ARL6: variants seen among roughly 807,000 people sequenced by gnomAD.
ARL6 encodes ARF like GTPase 6.
A neutral mutation model predicts 27.1 loss-of-function variants in ARL6; 18 were observed. The observed-to-expected ratio is 0.66, with a 90% CI of 0.46 to 0.98. The LOEUF is 0.98. ARL6 is among the 50% of genes least tolerant of loss of function. The pLI is 0.00. For synonymous variants in ARL6, 65 were observed against 72.3 expected (o/e 0.90, Z 0.51); for missense variants, 187 against 214.9 (o/e 0.87, Z 0.81).
At chr3:97,769,260 T>A (rs2087223352) in intron 2 of ARL6, among the ~76,000 whole-genome samples, 1 of 152,070 alleles carries the variant, frequency 6.6e-6, no homozygotes, top group Admixed American at 6.6e-5. Flanking sequence ...CATTTTAGAA[T>A]AGGGAGAGAG....
At chr3:97,789,563 TG>T (rs1344006536) in intron 6 of ARL6, among the ~76,000 whole-genome samples, 1 of 152,138 alleles carries the variant, frequency 6.6e-6, no homozygotes, top group African/African-American at 2.4e-5. Context: ...AGTAATATCC[TG>T]ATGCTTATAA....
chr3:97,779,738 C>T (rs943461446), intron 2 of ARL6, among the ~76,000 whole-genome samples: 4 of 151,780 alleles, frequency 2.6e-5, no homozygotes, highest in African/African-American at 7.3e-5. Flanking sequence ...TGGTGGCGGG[C>T]GCCTGTAGTC....
At position 97,768,045 on chromosome 3, in the gene ARL6, G is replaced by T. The variant is rs2036466402; in HGVS notation, c.-27-36G>T. The T allele has an allele frequency of 5.7e-6, 9 of 1,581,270 alleles. No homozygotes were observed. In the South Asian group the frequency reaches 7.8e-5, roughly 14 times the overall value. ...ACCAATATTTTCCATAACTTAAGGT[G>T]CCTTTGGGTAATATTTTATTTTTTC... On this transcript the variant is annotated intron_variant, in intron 1 of 7. Coordinates refer to ENST00000463745, the MANE Select transcript of ARL6 (RefSeq NM_001278293.3).
At chr3:97,766,137 G>A (rs1055820037) in intron 1 of ARL6, 25 of 152,178 alleles carry the variant, frequency 1.6e-4, no homozygotes, top group South Asian at 4.1e-4. Context: ...AACACTCAGT[G>A]CTTTATAGTA....
rs751279881 is a variant in ARL6 at position 97,780,601 on chromosome 3, G to C, written c.186-14G>C. 6.2e-7 allele frequency: 1 copy of C among 1,607,992 alleles called. No individual in the cohort carries two copies. On this transcript the variant is annotated splice_polypyrimidine_tract_variant and intron_variant, in intron 3 of 7. Transcript: ENST00000463745. ...TTAGTTTATAATGTAGTCATGTTTT[G>C]CTTCTTTTTGTAGTTTGTCATTTAC...
chr3:97,782,631 C>A (rs1448665717), intron 4 of ARL6, among the ~76,000 whole-genome samples: 1 of 151,668 alleles, frequency 6.6e-6, no homozygotes, highest in Non-Finnish European at 1.5e-5. Flanking sequence ...TTATTGATAT[C>A]TGTTAAAATG....
chr3:97,791,850 C>T (rs777837858), intron 7 of ARL6, 24 bp downstream of exon 7: 1 of 1,600,788 alleles, frequency 6.2e-7, no homozygotes, highest in South Asian at 1.1e-5. Context: ...TACTGTGTGT[C>T]TTCAGCCTTT....
In ARL6 at chr3:97,783,027, A is replaced by G. The variant is rs189608259; in HGVS notation, c.255-1928A>G. Among the ~76,000 whole-genome samples the G allele has an allele frequency of 1.2e-4, 18 of 150,392 alleles. No individual in the cohort carries two copies. The East Asian group carries it at 3.1e-3, about 26-fold the overall frequency. On this transcript the variant is annotated intron_variant, in intron 4 of 7. Coordinates refer to ENST00000463745, the MANE Select transcript of ARL6 (RefSeq NM_001278293.3). ...TCCTGTTTGGTGAAGAGAGACATTT[A>G]CTTTCTCATCTATATGATGCCATAA...
intron 2 of ARL6, among the ~76,000 whole-genome samples, chr3:97,779,476 C>T (rs1364178768): frequency 6.6e-6 from 1 of 152,150 alleles, no homozygotes; most frequent in Non-Finnish European, 1.5e-5. Context: ...AAATTGTGTT[C>T]TATTTACATC....
At chr3:97,775,694 C>A (rs1347691295) in intron 2 of ARL6, among the ~76,000 whole-genome samples, 3 of 152,184 alleles carry the variant, frequency 2.0e-5, no homozygotes, top group Admixed American at 2.0e-4. Flanking sequence ...TCTTCATTCA[C>A]CCATTGAATA....
At chr3:97,796,242 A>C (rs887463225) in intron 7 of ARL6, among the ~76,000 whole-genome samples, 1 of 152,178 alleles carries the variant, frequency 6.6e-6, no homozygotes, top group Non-Finnish European at 1.5e-5. Context: ...TAGAGAGAAC[A>C]TTTCAAAAAA....
intron 5 of ARL6, 80 bp from the exon 6 acceptor site, chr3:97,787,910 A>C (rs1050434417): frequency 6.7e-7 from 1 of 1,483,410 alleles, no homozygotes; most frequent in Non-Finnish European, 9.3e-7. Context: ...AAAAAATTTC[A>C]TGGGTTTCAG....
chr3:97,768,551 T>G (rs1262265142), intron 2 of ARL6, among the ~76,000 whole-genome samples: 2 of 152,120 alleles, frequency 1.3e-5, no homozygotes, highest in African/African-American at 4.8e-5. Context: ...TGAAACATTT[T>G]TATAGGTTCT....
Position 97,785,033 on chromosome 3 carries a change from T to C in ARL6, c.333T>C (p.Thr111=), listed in dbSNP as rs1295285632. The C allele has an allele frequency of 6.2e-7, 1 of 1,612,410 alleles. No homozygotes were observed. The change falls in exon 5 of 8, where the codon ACT becomes ACC. Residue 111 remains threonine, a synonymous_variant. Coordinates refer to ENST00000463745, the MANE Select transcript of ARL6 (RefSeq NM_001278293.3). ...RMVVAKEELD[T]LLNHPDIKHR... The stretch of plus-strand genomic sequence containing the variant: ...TTGTGGCCAAAGAAGAACTCGATAC[T>C]CTTCTGAATCATCCAGGTATGTGTG...
At chr3:97,780,541 G>A in intron 3 of ARL6, 74 bp from the exon 4 acceptor site, 1 of 1,254,810 alleles carries the variant, frequency 8.0e-7, no homozygotes, top group Non-Finnish European at 1.2e-6. Flanking sequence ...TTCTTTGATT[G>A]TAAATAATTT....
Position 97,799,637 on chromosome 3 carries a change from T to A in ARL6, c.*1588T>A, listed in dbSNP as rs2038162904. 1 of 152,132 alleles carries A rather than the reference T, an allele frequency of 6.6e-6. No individual in the cohort carries two copies. The highest frequency in any genetic ancestry group is 2.1e-4 in the South Asian group (1 of 4,834). The allele number at this position is 152,132 out of a possible 1,614,324, so 9.4% of individuals were successfully genotyped here. A position where few individuals can be genotyped will look rare whatever the true frequency, so the allele number is the denominator to read the frequency against. On this transcript the variant is annotated 3_prime_UTR_variant, in exon 8 of 8. Coordinates refer to ENST00000463745, the MANE Select transcript of ARL6 (RefSeq NM_001278293.3). ...AGGTAGTAATAAAATTAATAATAGTTACTACTATATGATCATTATATTATA... is the reference window on the plus strand; with the variant it reads ...AGGTAGTAATAAAATTAATAATAGTAACTACTATATGATCATTATATTATA...
chr3:97,792,262 G>C (rs1180988169), intron 7 of ARL6, among the ~76,000 whole-genome samples: 3 of 152,168 alleles, frequency 2.0e-5, no homozygotes, highest in Admixed American at 6.5e-5. Context: ...GGGAGGCCGA[G>C]GCAGGCGGAT....
At chr3:97,787,076 G>A (rs1251076100) in intron 5 of ARL6, among the ~76,000 whole-genome samples, 2 of 152,096 alleles carry the variant, frequency 1.3e-5, no homozygotes, top group Non-Finnish European at 2.9e-5. Context: ...AGGACATACT[G>A]GCCGGTGTAC....
intron 4 of ARL6, among the ~76,000 whole-genome samples, chr3:97,784,512 T>A (rs923825642): frequency 6.6e-6 from 1 of 151,586 alleles, no homozygotes; most frequent in Non-Finnish European, 1.5e-5. Context: ...AATTTACATA[T>A]GTATTGCAAA....
Sources: gnomAD v4.1 joint callset for allele counts (sites outside exome capture counted in the v4.1 genomes callset) on GRCh38, gnomAD v4.1.1 for gene constraint, MANE v1.5 for transcripts, NCBI Gene and HGNC (gene_info 2026-07-23, HGNC 2026-07-21) for gene names.